The following SFMBT2 variants were observed in gnomAD, a reference collection of about 807,000 sequenced individuals.
SFMBT2 encodes the protein scm-like with four MBT domains protein 2.
In SFMBT2, 38 loss-of-function variants were observed where a neutral mutation model predicts 110.1. That is an observed-to-expected ratio of 0.35 (90% CI 0.27 to 0.45). The LOEUF is 0.45. Among genes scored for constraint, SFMBT2 ranks in the 20% least tolerant of loss-of-function variants. SFMBT2 has a pLI of 1.00. For synonymous variants in SFMBT2, 425 were observed against 425.4 expected, an observed-to-expected ratio of 1.00 and a Z score of 0.01; for missense variants, 1,011 against 1,094.9, an observed-to-expected ratio of 0.92 and a Z score of 1.08.
chr10:7,199,109 G>A (rs2131598059), intron 14 of SFMBT2, among the ~76,000 whole-genome samples: 1 of 152,232 alleles, frequency 6.6e-6, no homozygotes, highest in Non-Finnish European at 1.5e-5. Flanking sequence ...CTCCTAAGTA[G>A]GTGGGATCAC....
chr10:7,386,533 A>G (rs1375799402), intron 1 of SFMBT2, among the ~76,000 whole-genome samples: 1 of 151,932 alleles, frequency 6.6e-6, no homozygotes, highest in East Asian at 1.9e-4. Flanking sequence ...GCTTGAACCC[A>G]GGAGGCAGAG....
intron 9 of SFMBT2, among the ~76,000 whole-genome samples, chr10:7,230,388 A>G (rs1840081725): frequency 6.6e-6 from 1 of 152,216 alleles, no homozygotes. Flanking sequence ...GAGTTTCTCT[A>G]CAATTAAGAA....
intron 20 of SFMBT2, among the ~76,000 whole-genome samples, chr10:7,168,034 C>G (rs1464894017): frequency 6.6e-6 from 1 of 150,778 alleles, no homozygotes; most frequent in East Asian, 1.9e-4. Context: ...CGCCATTGCA[C>G]TCTAGCCTGG....
intron 7 of SFMBT2, among the ~76,000 whole-genome samples, chr10:7,257,087 G>A (rs374745333): frequency 3.5e-5 from 4 of 112,902 alleles, no homozygotes; most frequent in East Asian, 2.8e-4. Context: ...GCGAGACTCC[G>A]TTGGAAAGGG....
At chr10:7,300,895 C>A (rs1418726969) in intron 4 of SFMBT2, among the ~76,000 whole-genome samples, 1 of 152,194 alleles carries the variant, frequency 6.6e-6, no homozygotes, top group African/African-American at 2.4e-5. Context: ...TAGCATTATA[C>A]AGTTAGAAAG....
intron 11 of SFMBT2, among the ~76,000 whole-genome samples, chr10:7,217,019 G>A (rs1431800735): frequency 1.3e-5 from 2 of 152,230 alleles, no homozygotes; most frequent in African/African-American, 4.8e-5. Flanking sequence ...AAATTATGAT[G>A]AAAGTAGATA....
Position 7,259,758 on chromosome 10 carries a change from A to G in SFMBT2, c.871-11109T>C, listed in dbSNP as rs1351342958. On this transcript the variant is annotated intron_variant, in intron 7 of 20. Transcript: ENST00000397167. The stretch of plus-strand genomic sequence containing the variant: ...GATTCTCTCTGCCTCTGTCTCCAGC[A>G]TTAACTCACTCTAGTACCCACCCTT... 2.4e-4 allele frequency among the ~76,000 whole-genome samples: 36 copies of G among 152,206 alleles called. 1 individual carries two copies. Among genetic ancestry groups the G allele is most frequent in the Admixed American group, 2.4e-3 (36 of 15,288 alleles).
intron 7 of SFMBT2, chr10:7,264,345 T>C (rs1457194476): frequency 6.3e-6 from 1 of 158,076 alleles, no homozygotes; most frequent in Admixed American, 6.5e-5. Context: ...TTATCAGTGA[T>C]GTGTGTATAA....
intron 7 of SFMBT2, among the ~76,000 whole-genome samples, chr10:7,260,788 G>C (rs1379183911): frequency 6.6e-6 from 1 of 152,082 alleles, no homozygotes; most frequent in Non-Finnish European, 1.5e-5. Context: ...AATCCCAGGA[G>C]AGCCCTCGTC....
intron 4 of SFMBT2, chr10:7,286,426 A>T (rs1237763148): frequency 1.0e-6 from 1 of 959,030 alleles, no homozygotes; most frequent in African/African-American, 1.8e-5. Context: ...GGGTGGACTG[A>T]AGGTGAAATG....
Position 7,296,627 on chromosome 10 carries a change from G to A in SFMBT2, c.437-10673C>T, listed in dbSNP as rs561242930. Among the ~76,000 whole-genome samples, 179 of 152,280 alleles carry A rather than the reference G, an allele frequency of 1.2e-3. 2 individuals are homozygous for A. Among genetic ancestry groups the A allele is most frequent in the African/African-American group, 4.2e-3 (175 of 41,556 alleles). ...CCTTAGGTATCTGACAAAATGAGTT[G>A]GCCTCTTGTTCAACAGTATTTAGGT... On this transcript the variant is annotated intron_variant, in intron 4 of 20. Transcript: ENST00000397167.
rs1196400508 is a variant in SFMBT2 at position 7,158,910 on chromosome 10, G to C, written c.*4860C>G. 1 of 152,118 alleles carries C rather than the reference G, an allele frequency of 6.6e-6. No individual in the cohort carries two copies. The highest frequency in any genetic ancestry group is 1.9e-4 in the East Asian group (1 of 5,198). The allele number at this position is 152,118 out of a possible 1,614,324, so 9.4% of individuals were successfully genotyped here. A position where few individuals can be genotyped will look rare whatever the true frequency, so the allele number is the denominator to read the frequency against. On this transcript the variant is annotated 3_prime_UTR_variant, in exon 21 of 21. Transcript: ENST00000397167. ...ACTATTCAAACTAGAATGCAAAACA[G>C]TGAAAGAGCTTTCAACAATCACGAC... is the stretch of plus-strand genomic sequence containing the variant.
intron 6 of SFMBT2, 151 bp from the exon 7 acceptor site, chr10:7,277,140 C>T (rs1333126643): frequency 3.4e-6 from 2 of 584,002 alleles, no homozygotes; most frequent in Non-Finnish European, 6.1e-6. Context: ...TGAGCAGCCA[C>T]CTGCTGAAAG....
At chr10:7,372,617 T>C (rs1278353705) in intron 2 of SFMBT2, among the ~76,000 whole-genome samples, 1 of 152,056 alleles carries the variant, frequency 6.6e-6, no homozygotes, top group Non-Finnish European at 1.5e-5. Flanking sequence ...CACAGCGAAG[T>C]GAACTAGAGA....
At chr10:7,361,554 C>T (rs1844719276) in intron 4 of SFMBT2, among the ~76,000 whole-genome samples, 1 of 152,198 alleles carries the variant, frequency 6.6e-6, no homozygotes, top group South Asian at 2.1e-4. Flanking sequence ...CACACTTTCT[C>T]CTCACACTTC....
intron 4 of SFMBT2, among the ~76,000 whole-genome samples, chr10:7,329,939 A>C (rs1843515050): frequency 6.6e-6 from 1 of 152,224 alleles, no homozygotes; most frequent in East Asian, 1.9e-4. Flanking sequence ...CTCACCCCTC[A>C]ATGCAAGAAA....
At chr10:7,201,990 G>A (rs945468588) in intron 13 of SFMBT2, among the ~76,000 whole-genome samples, 2 of 152,236 alleles carry the variant, frequency 1.3e-5, no homozygotes, top group Non-Finnish European at 2.9e-5. Flanking sequence ...ACAAGCCAGG[G>A]CACTGAGGGG....
intron 4 of SFMBT2, among the ~76,000 whole-genome samples, chr10:7,353,212 T>C (rs1223377610): frequency 1.3e-5 from 2 of 152,032 alleles, no homozygotes; most frequent in Non-Finnish European, 2.9e-5. Flanking sequence ...AGGCACAGAA[T>C]AGAACCCCAA....
At chr10:7,322,297 G>A (rs1056726311) in intron 4 of SFMBT2, among the ~76,000 whole-genome samples, 3 of 152,224 alleles carry the variant, frequency 2.0e-5, no homozygotes, top group African/African-American at 7.2e-5. Context: ...CCATGATTGT[G>A]AGGCCTCCCC....
Sources: allele counts gnomAD v4.1 joint callset (sites outside exome capture counted in the v4.1 genomes callset), GRCh38; gene constraint gnomAD v4.1.1; transcripts MANE v1.5; gene names NCBI Gene and HGNC (gene_info 2026-07-23, HGNC 2026-07-21).